BRINP3: variants seen among roughly 807,000 people sequenced by gnomAD.
BRINP3 encodes BMP/retinoic acid-inducible neural-specific protein 3.
In BRINP3, 19 loss-of-function variants were observed where a neutral mutation model predicts 71.0. The ratio of observed to expected loss-of-function variants is 0.27; its 90% CI spans 0.19 to 0.39. The LOEUF is 0.39. Ranked by LOEUF, BRINP3 falls within the 10% of genes least tolerant of loss-of-function variation. The pLI is 1.00. For synonymous variants in BRINP3, 380 were observed against 337.7 expected (o/e 1.13, Z -1.37); for missense variants, 959 against 940.8 (o/e 1.02, Z -0.25).
At chr1:190,435,918 A>G (rs1446168374) in intron 2 of BRINP3, among the ~76,000 whole-genome samples, 1 of 151,968 alleles carries the variant, frequency 6.6e-6, no homozygotes, top group Admixed American at 6.6e-5. Context: ...AGCTTTTCAC[A>G]ACCCTGTGAA....
chr1:190,465,059 A>G (rs560903798), intron 1 of BRINP3, among the ~76,000 whole-genome samples: 7 of 152,020 alleles, frequency 4.6e-5, no homozygotes, highest in Non-Finnish European at 1.0e-4. Context: ...AAGAGAAGGT[A>G]AGTTCCATTC....
chr1:190,331,280 C>A (rs1406841353), intron 2 of BRINP3, among the ~76,000 whole-genome samples: 1 of 151,862 alleles, frequency 6.6e-6, no homozygotes, highest in Non-Finnish European at 1.5e-5. Context: ...ATAATGCAAG[C>A]TTTTCCTGGT....
chr1:190,253,969 T>C (rs1422491337), intron 4 of BRINP3, among the ~76,000 whole-genome samples: 1 of 152,188 alleles, frequency 6.6e-6, no homozygotes, highest in Non-Finnish European at 1.5e-5. Flanking sequence ...GGATCCAGTT[T>C]CATCTTTCTA....
chr1:190,264,997 T>C lies in BRINP3; in HGVS notation c.486A>G (p.Gly162=). The C allele has an allele frequency of 6.2e-7, 1 of 1,611,626 alleles. No individual in the cohort carries two copies. The highest frequency in any genetic ancestry group is 8.5e-7 in the Non-Finnish European group (1 of 1,179,008). ...DKRKLSKRAE[G]SDSTTNSSSV... ...AAGAGCTATTGGTGGTGGAATCACT[T>C]CCTTCAGCTCGTTTGCTCAACTTCC... The change falls in exon 4 of 8, where the codon GGA becomes GGG. Residue 162 remains glycine, a synonymous_variant. Coordinates refer to ENST00000367462, the MANE Select transcript of BRINP3 (RefSeq NM_199051.3).
At chr1:190,154,376 G>A (rs1310019339) in intron 7 of BRINP3, among the ~76,000 whole-genome samples, 3 of 152,164 alleles carry the variant, frequency 2.0e-5, no homozygotes, top group Non-Finnish European at 4.4e-5. Context: ...ATCCTAAAGA[G>A]TGATCCACAT....
Position 190,264,915 on chromosome 1 carries a change from T to G in BRINP3, c.568A>C (p.Ser190Arg). The G allele has an allele frequency of 6.2e-7, 1 of 1,613,934 alleles. No individual in the cohort carries two copies. The highest frequency in any genetic ancestry group is 8.5e-7 in the Non-Finnish European group (1 of 1,179,952). ...LAASYFIDRD[S>R]TLRRLHHIQI... ...ATGTGGTGAAGTCTCCGAAGGGTGC[T>G]GTCCCTGTCAATGAAATAAGAAGCG... is the stretch of plus-strand genomic sequence containing the variant. Residue 190 changes from serine to arginine, a missense_variant, in exon 4 of 8, where the codon AGC (serine) becomes CGC (arginine). Transcript: ENST00000367462.
intron 2 of BRINP3, among the ~76,000 whole-genome samples, chr1:190,303,256 A>C (rs1664860749): frequency 6.6e-6 from 1 of 151,836 alleles, no homozygotes; most frequent in Admixed American, 6.6e-5. Flanking sequence ...AACATAAATT[A>C]AATGATATAA....
intron 5 of BRINP3, among the ~76,000 whole-genome samples, chr1:190,226,976 A>T (rs1172427247): frequency 1.3e-5 from 2 of 151,926 alleles, no homozygotes; most frequent in Non-Finnish European, 2.9e-5. Context: ...ATGTTTAGTA[A>T]AGTTGCTATC....
chr1:190,436,827 T>C (rs1447644595), intron 2 of BRINP3, among the ~76,000 whole-genome samples: 1 of 151,834 alleles, frequency 6.6e-6, no homozygotes, highest in Non-Finnish European at 1.5e-5. Flanking sequence ...GAAGCTCTTA[T>C]TGTGTCATTA....
intron 6 of BRINP3, among the ~76,000 whole-genome samples, chr1:190,187,562 G>A (rs575836170): frequency 1.6e-4 from 25 of 152,026 alleles, no homozygotes; most frequent in African/African-American, 2.2e-4. Context: ...TGTATATGGC[G>A]TGACAAAATT....
intron 6 of BRINP3, among the ~76,000 whole-genome samples, chr1:190,181,719 C>G (rs1303760736): frequency 6.6e-6 from 1 of 151,958 alleles, no homozygotes. Flanking sequence ...AATATTCCCT[C>G]TACATGTATT....
chr1:190,237,597 A>G (rs917060828), intron 4 of BRINP3, among the ~76,000 whole-genome samples: 1 of 151,928 alleles, frequency 6.6e-6, no homozygotes, highest in African/African-American at 2.4e-5. Flanking sequence ...CTACTTTTAT[A>G]TGTTTCCCCT....
At chr1:190,153,949 A>G in intron 7 of BRINP3, 2 of 370,934 alleles carry the variant, frequency 5.4e-6, no homozygotes, top group Non-Finnish European at 7.4e-6. Flanking sequence ...AACTCAAATA[A>G]CAGTAACTTA....
chr1:190,404,007 C>T (rs958514547), intron 2 of BRINP3, among the ~76,000 whole-genome samples: 8 of 152,158 alleles, frequency 5.3e-5, no homozygotes, highest in African/African-American at 1.9e-4. Context: ...AATGTACCCA[C>T]CTTATCTCAT....
chr1:190,287,984 G>A (rs1271877821), intron 2 of BRINP3, among the ~76,000 whole-genome samples: 1 of 152,148 alleles, frequency 6.6e-6, no homozygotes, highest in East Asian at 1.9e-4. Context: ...TGATAATACA[G>A]AAATTGATTA....
chr1:190,397,563 C>T (rs896575915), intron 2 of BRINP3, among the ~76,000 whole-genome samples: 1 of 151,958 alleles, frequency 6.6e-6, no homozygotes, highest in Non-Finnish European at 1.5e-5. Context: ...TCTCTCTACA[C>T]TGAGAATGCC....
chr1:190,151,516 G>T (rs2102423010), intron 7 of BRINP3, among the ~76,000 whole-genome samples: 1 of 151,138 alleles, frequency 6.6e-6, no homozygotes, highest in East Asian at 1.9e-4. Flanking sequence ...AATATCAAAA[G>T]AAGAGTCTCA....
chr1:190,302,095 A>C lies in BRINP3; in HGVS notation c.237-20345T>G, dbSNP rs146126940. On this transcript the variant is annotated intron_variant, in intron 2 of 7. Coordinates refer to ENST00000367462, the MANE Select transcript of BRINP3 (RefSeq NM_199051.3). ...ACTCCACAGATGCACAGCCTCCTAA[A>C]TTATCAATATCTCCCACCAGGTAGC... Among the ~76,000 whole-genome samples, 1,106 of 151,354 alleles carry C rather than the reference A, an allele frequency of 7.3e-3. 10 individuals carry two copies. The highest frequency in any genetic ancestry group is 0.017 in the Middle Eastern group (5 of 292).
At chr1:190,131,986 T>C (rs1340917896) in intron 7 of BRINP3, among the ~76,000 whole-genome samples, 1 of 152,062 alleles carries the variant, frequency 6.6e-6, no homozygotes, top group Non-Finnish European at 1.5e-5. Flanking sequence ...AAACTGTCTA[T>C]CCTGGCTAGT....
Sources: allele counts gnomAD v4.1 joint callset (sites outside exome capture counted in the v4.1 genomes callset), GRCh38; gene constraint gnomAD v4.1.1; transcripts MANE v1.5; gene names NCBI Gene and HGNC (gene_info 2026-07-23, HGNC 2026-07-21).